VTA1: variants seen among roughly 807,000 people sequenced by gnomAD.
The protein encoded by VTA1 is vesicle trafficking 1.
A neutral mutation model predicts 36.9 loss-of-function variants in VTA1; 24 were observed. The observed-to-expected ratio is 0.65, with a 90% confidence interval of 0.47 to 0.91. The LOEUF (loss-of-function observed/expected upper bound fraction) is 0.91, where lower values mean the gene tolerates loss of function less well. VTA1 is among the 40% of genes least tolerant of loss of function. The pLI is 0.00. For synonymous variants in VTA1, 142 were observed against 130.2 expected, an observed-to-expected ratio of 1.09 and a Z score of -0.62; for missense variants, 393 against 377.2, an observed-to-expected ratio of 1.04 and a Z score of -0.35.
intron 2 of VTA1, among the ~76,000 whole-genome samples, chr6:142,166,588 C>A (rs225657): frequency 0.44 from 66,579 of 151,406 alleles, 15,073 homozygotes; most frequent in Middle Eastern, 0.6. Context: ...CCTTTGGCTC[C>A]TCCTTTTATA....
chr6:142,178,760 T>C (rs1396466366), intron 4 of VTA1, among the ~76,000 whole-genome samples: 1 of 152,094 alleles, frequency 6.6e-6, no homozygotes, highest in Non-Finnish European at 1.5e-5. Flanking sequence ...TTACATACCA[T>C]AATTGTAAAT....
chr6:142,200,745 A>G (rs183815592), intron 6 of VTA1, among the ~76,000 whole-genome samples: 1 of 151,974 alleles, frequency 6.6e-6, no homozygotes, highest in South Asian at 2.1e-4. Flanking sequence ...AATTTGATCT[A>G]GTTAACTCTA....
At position 142,219,909 on chromosome 6, in the gene VTA1, T is replaced by A. The variant is rs1295592704; in HGVS notation, c.*1266T>A. The A allele has an allele frequency of 6.6e-6, 1 of 152,206 alleles. No homozygotes were observed. Among genetic ancestry groups the A allele is most frequent in the Non-Finnish European group, 1.5e-5 (1 of 68,026 alleles). 9.4% of individuals were successfully genotyped at this position (152,206 alleles called of 1,614,324 possible). On this transcript the variant is annotated 3_prime_UTR_variant, in exon 8 of 8. Coordinates refer to ENST00000367630, the MANE Select transcript of VTA1 (RefSeq NM_016485.5). ...ATTTATGTTTTGTCTGTGGTTGCTT[T>A]CCACAACTGCAGAGTTGTATGGCTT...
intron 5 of VTA1, among the ~76,000 whole-genome samples, chr6:142,194,143 ACTGT>A (rs1775502524): frequency 6.6e-6 from 1 of 152,170 alleles, no homozygotes; most frequent in South Asian, 2.1e-4. Flanking sequence ...AAAGAGAGGT[ACTGT>A]GCCTAGTGGA....
At chr6:142,148,843 TAG>T (rs1269446377) in intron 1 of VTA1, among the ~76,000 whole-genome samples, 4 of 152,092 alleles carry the variant, frequency 2.6e-5, no homozygotes, top group Non-Finnish European at 4.4e-5. Context: ...GTATTCTCCA[TAG>T]AGGTTATAAA....
intron 1 of VTA1, among the ~76,000 whole-genome samples, chr6:142,157,741 T>A (rs1255010169): frequency 6.6e-6 from 1 of 152,158 alleles, no homozygotes; most frequent in Non-Finnish European, 1.5e-5. Context: ...TAGATTTCAA[T>A]AACTATGCTT....
intron 3 of VTA1, 37 bp downstream of exon 3, chr6:142,169,714 T>G (rs770181463): frequency 8.7e-5 from 129 of 1,484,464 alleles, no homozygotes; most frequent in Non-Finnish European, 1.1e-4. Flanking sequence ...TTTTATTAAT[T>G]TTGTAACTGT....
intron 7 of VTA1, among the ~76,000 whole-genome samples, chr6:142,215,488 G>A (rs1775990320): frequency 6.6e-6 from 1 of 151,922 alleles, no homozygotes; most frequent in African/African-American, 2.4e-5. Flanking sequence ...TATCTGAATA[G>A]TATTTAGCAC....
At chr6:142,176,104 G>T (rs1472626609) in intron 4 of VTA1, among the ~76,000 whole-genome samples, 2 of 152,022 alleles carry the variant, frequency 1.3e-5, no homozygotes, top group Non-Finnish European at 2.9e-5. Flanking sequence ...ATAGCATCTT[G>T]TATAATCTGT....
chr6:142,215,314 G>A (rs1253138367), intron 7 of VTA1, among the ~76,000 whole-genome samples: 3 of 151,930 alleles, frequency 2.0e-5, no homozygotes, highest in African/African-American at 4.8e-5. Flanking sequence ...GGTGGTGGGC[G>A]CCTGTAGTCC....
Position 142,159,196 on chromosome 6 carries a change from C to T in VTA1, c.113-7032C>T, listed in dbSNP as rs768390272. Among the ~76,000 whole-genome samples, 48 of 151,642 alleles carry T rather than the reference C, an allele frequency of 3.2e-4. 1 individual carries two copies. The highest frequency in any genetic ancestry group is 1.8e-3 in the Admixed American group (28 of 15,188). ...GCAACATGGTGAAACCCTGTCTCTA[C>T]CAAAAATACAATAAGAAATTACCCA... On this transcript the variant is annotated intron_variant, in intron 1 of 7. Coordinates refer to ENST00000367630, the MANE Select transcript of VTA1 (RefSeq NM_016485.5).
At chr6:142,162,764 T>C (rs1213483120) in intron 1 of VTA1, among the ~76,000 whole-genome samples, 1 of 152,038 alleles carries the variant, frequency 6.6e-6, no homozygotes, top group Non-Finnish European at 1.5e-5. Context: ...GTTCTTAAAA[T>C]GTAACATCAA....
intron 6 of VTA1, among the ~76,000 whole-genome samples, chr6:142,199,827 G>A (rs1308094254): frequency 6.6e-6 from 1 of 152,050 alleles, no homozygotes; most frequent in Non-Finnish European, 1.5e-5. Context: ...CCTATGTGAT[G>A]ATATTAATAG....
intron 5 of VTA1, among the ~76,000 whole-genome samples, chr6:142,193,377 T>C (rs190426596): frequency 2.6e-5 from 4 of 152,250 alleles, no homozygotes; most frequent in Admixed American, 1.3e-4. Flanking sequence ...TTTTTCCCTT[T>C]GCTATTAATA....
Position 142,178,451 on chromosome 6 carries a change from A to C in VTA1, c.411+8030A>C, listed in dbSNP as rs113453411. Among the ~76,000 whole-genome samples, 179 of 152,292 alleles carry C rather than the reference A, an allele frequency of 1.2e-3. 2 individuals are homozygous for C. Among genetic ancestry groups the C allele is most frequent in the African/African-American group, 3.2e-3 (133 of 41,602 alleles). On this transcript the variant is annotated intron_variant, in intron 4 of 7. Coordinates refer to ENST00000367630, the MANE Select transcript of VTA1 (RefSeq NM_016485.5). ...TCTGCACTAAAGATCCAAAGAACTA[A>C]AGAACAGCTAAAATGAAGGAAGTTT...
At chr6:142,165,200 G>A (rs1457038137) in intron 1 of VTA1, among the ~76,000 whole-genome samples, 1 of 152,140 alleles carries the variant, frequency 6.6e-6, no homozygotes, top group Non-Finnish European at 1.5e-5. Flanking sequence ...CAGATTGATA[G>A]GAATGTAAGT....
chr6:142,197,573 C>T (rs1775576812), intron 5 of VTA1, among the ~76,000 whole-genome samples: 1 of 152,190 alleles, frequency 6.6e-6, no homozygotes, highest in Admixed American at 6.5e-5. Flanking sequence ...TTTCTTTCTG[C>T]ATAGCTAAAT....
At chr6:142,194,181 A>G (rs767287682) in intron 5 of VTA1, among the ~76,000 whole-genome samples, 5 of 152,130 alleles carry the variant, frequency 3.3e-5, no homozygotes, top group African/African-American at 4.8e-5. Flanking sequence ...TGGAGTCAAC[A>G]CGTTCCTCAT....
Position 142,218,796 on chromosome 6 carries a change from T to C in VTA1, c.*153T>C. On this transcript the variant is annotated 3_prime_UTR_variant, in exon 8 of 8. Transcript: ENST00000367630. ...TGTGTATCAGATTTTTATTGAAGCA[T>C]TCATCAGCAGCCTCAACCAGTTTTC... The C allele has an allele frequency of 4.6e-6, 4 of 861,106 alleles. No individual in the cohort carries two copies. The highest frequency in any genetic ancestry group is 6.6e-6 in the Non-Finnish European group (4 of 601,856). The allele number at this position is 861,106 out of a possible 1,614,324, so 53.3% of individuals were successfully genotyped here. A position where few individuals can be genotyped will look rare whatever the true frequency, so the allele number is the denominator to read the frequency against.
Sources: gnomAD v4.1 joint callset for allele counts (sites outside exome capture counted in the v4.1 genomes callset) on GRCh38, gnomAD v4.1.1 for gene constraint, MANE v1.5 for transcripts, NCBI Gene and HGNC (gene_info 2026-07-23, HGNC 2026-07-21) for gene names.